The following PNLIPRP1 variants were observed in gnomAD, a reference collection of about 807,000 sequenced individuals.
PNLIPRP1 encodes pancreatic lipase related protein 1, also known as inactive pancreatic lipase-related protein 1.
PNLIPRP1 carries 57 observed loss-of-function variants against 54.6 expected under a neutral mutation model. That is an observed-to-expected ratio of 1.04 (90% CI 0.84 to 1.30). PNLIPRP1 has a LOEUF of 1.30. Ranked by LOEUF, PNLIPRP1 falls within the 50% of genes most tolerant of loss-of-function variation. The pLI, the probability that PNLIPRP1 is intolerant of heterozygous loss-of-function variation, is 0.00. For synonymous variants in PNLIPRP1, 232 were observed against 208.8 expected, an observed-to-expected ratio of 1.11 and a Z score of -0.96; for missense variants, 567 against 568.5, an observed-to-expected ratio of 1.00 and a Z score of 0.03.
At chr10:116,596,114 G>A (rs540454705) in intron 5 of PNLIPRP1, 100 bp from the exon 6 acceptor site, 2 of 774,064 alleles carry the variant, frequency 2.6e-6, no homozygotes, top group African/African-American at 3.4e-5. Flanking sequence ...GGCAATGAGA[G>A]GCATGGAAGG....
intron 8 of PNLIPRP1, 33 bp from the exon 9 acceptor site, chr10:116,600,014 C>A: frequency 7.0e-7 from 1 of 1,426,894 alleles, no homozygotes; most frequent in Non-Finnish European, 9.9e-7. Flanking sequence ...GGCCCCCAAC[C>A]ACCTGTTCAG....
chr10:116,605,338 T>C (rs368690543), intron 11 of PNLIPRP1, 48 bp from the exon 12 acceptor site: 56 of 1,168,308 alleles, frequency 4.8e-5, no homozygotes, highest in Non-Finnish European at 6.8e-5. Flanking sequence ...GTATGGTAAT[T>C]AGAACTCATT....
At chr10:116,593,208 A>G (rs1847671818) in intron 4 of PNLIPRP1, 1 of 156,090 alleles carries the variant, frequency 6.4e-6, no homozygotes, top group African/African-American at 2.4e-5. Flanking sequence ...AGTTACTACA[A>G]TGACAGAATA....
chr10:116,605,192 A>G (rs1267377670), intron 11 of PNLIPRP1, among the ~76,000 whole-genome samples, 194 bp from the exon 12 acceptor site: 1 of 152,220 alleles, frequency 6.6e-6, no homozygotes, highest in Non-Finnish European at 1.5e-5. Context: ...TTAAGGAAAA[A>G]TTAACTTGAG....
Position 116,609,130 on chromosome 10 carries a change from C to A in PNLIPRP1, c.*14C>A. 6.3e-7 allele frequency: 1 copy of A among 1,594,502 alleles called. No individual in the cohort carries two copies. The highest frequency in any genetic ancestry group is 1.1e-5 in the South Asian group (1 of 89,326). On this transcript the variant is annotated 3_prime_UTR_variant, in exon 13 of 13. Transcript: ENST00000358834. ...ACGCCCTGCTAAGCTCCCGGGGCGA[C>A]GAGGCTGCTGCGTTCACACTAATAA...
chr10:116,608,422 G>A (rs1847973246), intron 12 of PNLIPRP1, among the ~76,000 whole-genome samples: 1 of 152,164 alleles, frequency 6.6e-6, no homozygotes, highest in Non-Finnish European at 1.5e-5. Flanking sequence ...CCCGACTCCA[G>A]AGCTGGAAGA....
At chr10:116,604,681 C>CTTTTTT (rs1234478269) in intron 11 of PNLIPRP1, among the ~76,000 whole-genome samples, 56 of 94,130 alleles carry the variant, frequency 5.9e-4, no homozygotes, top group East Asian at 7.4e-4. Context: ...CTTTCTCTCT[C>CTTTTTT]TTTTTTTTTT....
At position 116,609,052 on chromosome 10, in the gene PNLIPRP1, G is replaced by A; in HGVS notation, c.1341-1G>A. The stretch of plus-strand genomic sequence containing the variant: ...CTTACAAAGCTTCCTTTTCTCCCCA[G>A]GTACAACTTCTGTAGCGAAGACACA... On this transcript the variant is annotated splice_acceptor_variant, in intron 12 of 12. Coordinates refer to ENST00000358834, the MANE Select transcript of PNLIPRP1 (RefSeq NM_006229.4). LOFTEE classifies it high-confidence loss of function. 1 of 1,610,770 alleles carries A rather than the reference G, an allele frequency of 6.2e-7. No homozygotes were observed. The highest frequency in any genetic ancestry group is 8.5e-7 in the Non-Finnish European group (1 of 1,176,950).
In PNLIPRP1 at chr10:116,604,155, A is replaced by G; in HGVS notation, c.1172+17A>G. The G allele has an allele frequency of 7.5e-7, 1 of 1,334,274 alleles. No homozygotes were observed. Among genetic ancestry groups the G allele is most frequent in the South Asian group, 1.2e-5 (1 of 84,698 alleles). 82.7% of individuals were successfully genotyped at this position (1,334,274 alleles called of 1,614,324 possible). A position where few individuals can be genotyped will look rare whatever the true frequency, so the allele number is the denominator to read the frequency against. On this transcript the variant is annotated intron_variant, in intron 11 of 12. Transcript: ENST00000358834. Reference sequence around the variant, plus strand: ...TATCTTCAGGTAATTTCCTATTTTAACACTACGTCTCATTTGATGATATAC... The same window carrying G: ...TATCTTCAGGTAATTTCCTATTTTAGCACTACGTCTCATTTGATGATATAC...
chr10:116,608,674 T>C (rs538047917), intron 12 of PNLIPRP1, among the ~76,000 whole-genome samples: 1 of 152,326 alleles, frequency 6.6e-6, no homozygotes, highest in Admixed American at 6.5e-5. Flanking sequence ...GCTCAGGGCG[T>C]GTTGGCCGCT....
At chr10:116,595,225 C>T (rs1554863791) in intron 5 of PNLIPRP1, 5 of 250,664 alleles carry the variant, frequency 2.0e-5, no homozygotes, top group South Asian at 1.7e-4. Flanking sequence ...GGCTCTGTTT[C>T]GCGTGAAACA....
intron 10 of PNLIPRP1, 110 bp downstream of exon 10, chr10:116,601,311 T>C: frequency 9.8e-7 from 1 of 1,024,422 alleles, no homozygotes; most frequent in South Asian, 1.6e-5. Context: ...TTAATTATCT[T>C]AGAAATGGAC....
Position 116,591,898 on chromosome 10 carries a change from C to T in PNLIPRP1, c.177C>T (p.Tyr59=). ...PEKIGTRFLL[Y]TNENPNNFQI... is the part of the protein sequence containing the mutation. ...AGATCGGCACCCGCTTCCTGCTGTACACCAATGAAAACCCAAACAACTTTC... is the reference window on the plus strand; with the variant it reads ...AGATCGGCACCCGCTTCCTGCTGTATACCAATGAAAACCCAAACAACTTTC... The change falls in exon 3 of 13, where the codon TAC becomes TAT. Residue 59 remains tyrosine (Y), a synonymous_variant. Transcript: ENST00000358834. The T allele has an allele frequency of 6.2e-7, 1 of 1,614,196 alleles. No homozygotes were observed.
intron 8 of PNLIPRP1, among the ~76,000 whole-genome samples, chr10:116,598,389 T>C (rs1166813478): frequency 2.6e-5 from 4 of 152,232 alleles, no homozygotes; most frequent in African/African-American, 4.8e-5. Flanking sequence ...TGTCCTGGCA[T>C]GTACAAGCAA....
At chr10:116,603,301 C>G (rs1847881728) in intron 10 of PNLIPRP1, among the ~76,000 whole-genome samples, 1 of 152,198 alleles carries the variant, frequency 6.6e-6, no homozygotes, top group African/African-American at 2.4e-5. Context: ...CCTATTCCCT[C>G]TCTCTTCACC....
intron 12 of PNLIPRP1, among the ~76,000 whole-genome samples, chr10:116,607,020 TTAATAATAA>T (rs55946265): frequency 1.2e-4 from 17 of 147,078 alleles, no homozygotes; most frequent in South Asian, 2.2e-4. Flanking sequence ...CCAGTAACAT[TTAATAATAA>T]TAATAATAAT....
At position 116,592,405 on chromosome 10, in the gene PNLIPRP1, G is replaced by A. The variant is rs376880455; in HGVS notation, c.205-11G>A. 86 of 1,591,778 alleles carry A rather than the reference G, an allele frequency of 5.4e-5. No individual in the cohort carries two copies. The highest frequency in any genetic ancestry group is 3.4e-4 in the Middle Eastern group (2 of 5,936). Reference sequence around the variant, plus strand: ...CTGCGAAAACATGAAGCACTTCTGCGTCTGTCACAGATTCTCCTCCTCTCT... The same window carrying A: ...CTGCGAAAACATGAAGCACTTCTGCATCTGTCACAGATTCTCCTCCTCTCT... On this transcript the variant is annotated splice_polypyrimidine_tract_variant and intron_variant, in intron 3 of 12. Transcript: ENST00000358834.
intron 9 of PNLIPRP1, 140 bp downstream of exon 9, chr10:116,600,305 GA>G (rs1222639307): frequency 4.7e-5 from 28 of 596,176 alleles, no homozygotes; most frequent in Non-Finnish European, 5.9e-5. Context: ...GAGTGGAAGA[GA>G]AAAAAAAGTA....
intron 11 of PNLIPRP1, 23 bp downstream of exon 11, chr10:116,604,161 C>A: frequency 7.8e-7 from 1 of 1,286,320 alleles, no homozygotes; most frequent in Non-Finnish European, 1.1e-6. Context: ...TTTAACACTA[C>A]GTCTCATTTG....
Sources: gnomAD v4.1 joint callset for allele counts (sites outside exome capture counted in the v4.1 genomes callset) on GRCh38, gnomAD v4.1.1 for gene constraint, MANE v1.5 for transcripts, NCBI Gene and HGNC (gene_info 2026-07-23, HGNC 2026-07-21) for gene names.